Variants in ASIC2 observed in about 807,000 individuals in gnomAD.
ASIC2 encodes the protein acid sensing ion channel subunit 2.
ASIC2 carries 25 observed loss-of-function variants against 57.3 expected under a neutral mutation model. The observed-to-expected ratio is 0.44, with a 90% CI of 0.32 to 0.61. The LOEUF (loss-of-function observed/expected upper bound fraction) is 0.61, where lower values mean the gene tolerates loss of function less well. Ranked by LOEUF, ASIC2 falls within the 20% of genes least tolerant of loss-of-function variation. ASIC2 has a pLI of 0.06. For synonymous variants in ASIC2, 319 were observed against 307.5 expected, an observed-to-expected ratio of 1.04 and a Z score of -0.39; for missense variants, 641 against 738.1, an observed-to-expected ratio of 0.87 and a Z score of 1.52.
At chr17:34,037,394 C>T (rs551213039) in intron 1 of ASIC2, 11 of 473,568 alleles carry the variant, frequency 2.3e-5, no homozygotes, top group Admixed American at 7.7e-5. Flanking sequence ...GACGCTGGAA[C>T]CTCGGGCGGG....
At chr17:33,584,038 C>A (rs1002837909) in intron 1 of ASIC2, among the ~76,000 whole-genome samples, 1 of 152,060 alleles carries the variant, frequency 6.6e-6, no homozygotes, top group African/African-American at 2.4e-5. Context: ...TGTGCCCTAG[C>A]CTTGAACTCT....
At chr17:33,682,329 T>G (rs1476478379) in intron 1 of ASIC2, among the ~76,000 whole-genome samples, 1 of 151,930 alleles carries the variant, frequency 6.6e-6, no homozygotes, top group Admixed American at 6.6e-5. Flanking sequence ...CCTCCCAAAG[T>G]GCTGGGATTC....
intron 1 of ASIC2, among the ~76,000 whole-genome samples, chr17:33,843,490 G>A (rs1252314318): frequency 6.6e-6 from 1 of 152,208 alleles, no homozygotes; most frequent in Non-Finnish European, 1.5e-5. Context: ...AGTAAGAAGA[G>A]TCACTGAGAA....
At chr17:33,698,156 G>A (rs541550175) in intron 1 of ASIC2, among the ~76,000 whole-genome samples, 18 of 152,266 alleles carry the variant, frequency 1.2e-4, no homozygotes, top group Admixed American at 2.0e-4. Flanking sequence ...TATAATACCA[G>A]CATGCTATTT....
intron 1 of ASIC2, among the ~76,000 whole-genome samples, chr17:33,242,627 C>A (rs1463258643): frequency 6.6e-6 from 1 of 152,170 alleles, no homozygotes; most frequent in Non-Finnish European, 1.5e-5. Flanking sequence ...AACATAAGAG[C>A]CTTAAGCCCT....
At chr17:33,952,988 C>T (rs1597946753) in intron 1 of ASIC2, among the ~76,000 whole-genome samples, 1 of 151,828 alleles carries the variant, frequency 6.6e-6, no homozygotes, top group East Asian at 1.9e-4. Context: ...TAATTAAATG[C>T]CTTAATATTT....
chr17:33,493,806 G>A (rs9902273), intron 1 of ASIC2, among the ~76,000 whole-genome samples: 1 of 151,936 alleles, frequency 6.6e-6, no homozygotes, highest in Non-Finnish European at 1.5e-5. Flanking sequence ...TTCCAGGCCA[G>A]CTGCATTCAA....
At chr17:33,263,485 G>A (rs1238218863) in intron 1 of ASIC2, among the ~76,000 whole-genome samples, 3 of 152,194 alleles carry the variant, frequency 2.0e-5, no homozygotes, top group Non-Finnish European at 4.4e-5. Context: ...AGCAGGGGAG[G>A]AGGCGCTGGA....
At chr17:33,855,536 C>G (rs1018063575) in intron 1 of ASIC2, among the ~76,000 whole-genome samples, 1 of 152,228 alleles carries the variant, frequency 6.6e-6, no homozygotes, top group South Asian at 2.1e-4. Context: ...GTGGAGAAGT[C>G]CCTAGATGCA....
chr17:33,187,874 G>A (rs1404658360), intron 1 of ASIC2, among the ~76,000 whole-genome samples: 2 of 141,122 alleles, frequency 1.4e-5, no homozygotes, highest in East Asian at 2.0e-4. Flanking sequence ...CATTCATAAC[G>A]CCTGACAGCC....
chr17:33,415,341 A>AGAT lies in ASIC2; in HGVS notation c.556-303277_556-303275dup, dbSNP rs377591180. 1.7e-3 allele frequency among the ~76,000 whole-genome samples: 261 copies of AGAT among 152,224 alleles called. 2 individuals carry two copies. Among genetic ancestry groups the AGAT allele is most frequent in the Middle Eastern group, 3.4e-3 (1 of 294 alleles). Reference sequence around the variant, plus strand: ...CTCCCATATACTCTAAATTATCTCTAGATTGCTTATAATAACTAATACAAT... The same window carrying AGAT: ...CTCCCATATACTCTAAATTATCTCTAGATGATTGCTTATAATAACTAATACAAT... On this transcript the variant is annotated intron_variant, in intron 1 of 9. Transcript: ENST00000359872.
At chr17:33,397,469 A>G in intron 1 of ASIC2, among the ~76,000 whole-genome samples, 1 of 152,184 alleles carries the variant, frequency 6.6e-6, no homozygotes, top group East Asian at 1.9e-4. Context: ...GTAAATGACA[A>G]TTGAAGGAAA....
chr17:33,673,369 C>T (rs1297247553), intron 1 of ASIC2, among the ~76,000 whole-genome samples: 1 of 152,216 alleles, frequency 6.6e-6, no homozygotes, highest in Non-Finnish European at 1.5e-5. Context: ...CTATAGCAGA[C>T]ATGGAGCAGA....
chr17:33,597,221 A>G (rs1342156108), intron 1 of ASIC2, among the ~76,000 whole-genome samples: 1 of 152,228 alleles, frequency 6.6e-6, no homozygotes, highest in Admixed American at 6.5e-5. Context: ...CAGAGTCCCC[A>G]TGGACATCTC....
intron 1 of ASIC2, among the ~76,000 whole-genome samples, chr17:33,573,456 C>A (rs530836311): frequency 2.0e-5 from 3 of 152,306 alleles, no homozygotes; most frequent in African/African-American, 7.2e-5. Flanking sequence ...AGATAACCAC[C>A]ACCTGCAACG....
chr17:33,629,099 A>G (rs963514013), intron 1 of ASIC2, among the ~76,000 whole-genome samples: 1 of 152,044 alleles, frequency 6.6e-6, no homozygotes, highest in African/African-American at 2.4e-5. Flanking sequence ...TGCCTGAACT[A>G]CACTTGTATC....
intron 1 of ASIC2, among the ~76,000 whole-genome samples, chr17:33,827,358 G>A (rs1472431685): frequency 8.8e-5 from 1 of 11,322 alleles, no homozygotes; most frequent in Non-Finnish European, 3.1e-4. Flanking sequence ...TTGAGACAGA[G>A]TCTTGCTCTG....
intron 1 of ASIC2, among the ~76,000 whole-genome samples, chr17:33,564,358 T>C (rs1916167994): frequency 6.6e-6 from 1 of 152,164 alleles, no homozygotes; most frequent in Non-Finnish European, 1.5e-5. Flanking sequence ...ATGGATCAGG[T>C]TGAAGTTGGC....
chr17:33,704,576 G>A (rs1809258430), intron 1 of ASIC2, among the ~76,000 whole-genome samples: 1 of 152,184 alleles, frequency 6.6e-6, no homozygotes, highest in Non-Finnish European at 1.5e-5. Flanking sequence ...TTCTTTTGCT[G>A]TGTGTCTCTT....
Sources: gnomAD v4.1 joint callset for allele counts (sites outside exome capture counted in the v4.1 genomes callset) on GRCh38, gnomAD v4.1.1 for gene constraint, MANE v1.5 for transcripts, NCBI Gene and HGNC (gene_info 2026-07-23, HGNC 2026-07-21) for gene names.